The following MDFIC2 variants were observed in gnomAD, a reference collection of about 807,000 sequenced individuals.
MDFIC2 encodes myoD family inhibitor domain-containing protein 2.
At chr3:70,197,907 C>G (rs1286516650) in intron 3 of MDFIC2, among the ~76,000 whole-genome samples, 1 of 152,122 alleles carries the variant, frequency 6.6e-6, no homozygotes, top group Non-Finnish European at 1.5e-5. Context: ...ACTACACAGG[C>G]TTGTAAAAAT....
At chr3:70,198,811 G>T (rs1252454484) in intron 3 of MDFIC2, among the ~76,000 whole-genome samples, 1 of 152,104 alleles carries the variant, frequency 6.6e-6, no homozygotes, top group Non-Finnish European at 1.5e-5. Flanking sequence ...TCTTCACTTA[G>T]AGCCAGCTTT....
intron 2 of MDFIC2, among the ~76,000 whole-genome samples, chr3:70,218,006 C>T (rs570845878): frequency 1.4e-4 from 21 of 152,084 alleles, no homozygotes; most frequent in Admixed American, 2.6e-4. Context: ...ATCACAGGAG[C>T]GAGGGAACAG....
intron 2 of MDFIC2, among the ~76,000 whole-genome samples, chr3:70,208,246 C>T (rs763483174): frequency 7.2e-5 from 11 of 152,036 alleles, no homozygotes; most frequent in Non-Finnish European, 1.3e-4. Flanking sequence ...CCATTGTTAA[C>T]GCAATGCCTG....
At chr3:70,219,493 A>C (rs1200856284) in intron 2 of MDFIC2, among the ~76,000 whole-genome samples, 2 of 152,182 alleles carry the variant, frequency 1.3e-5, no homozygotes. Context: ...AAACAGAAGA[A>C]ATTTTTCAAA....
chr3:70,250,478 C>T (rs556807798), intron 2 of MDFIC2, among the ~76,000 whole-genome samples: 1 of 150,756 alleles, frequency 6.6e-6, no homozygotes, highest in South Asian at 2.1e-4. Flanking sequence ...TGATTTCCAA[C>T]GAGATGTAAA....
At chr3:70,307,831 G>A (rs1575622015) in intron 2 of MDFIC2, among the ~76,000 whole-genome samples, 1 of 152,142 alleles carries the variant, frequency 6.6e-6, no homozygotes, top group East Asian at 1.9e-4. Flanking sequence ...GCACTCAATC[G>A]GTTTTCTCAC....
chr3:70,252,255 T>C (rs1026207677), intron 2 of MDFIC2, among the ~76,000 whole-genome samples: 1 of 152,228 alleles, frequency 6.6e-6, no homozygotes. Context: ...TTATCCAATG[T>C]ATGACTTAGG....
At chr3:70,273,284 A>G (rs1396108764) in intron 2 of MDFIC2, among the ~76,000 whole-genome samples, 1 of 152,226 alleles carries the variant, frequency 6.6e-6, no homozygotes, top group Admixed American at 6.5e-5. Flanking sequence ...AGTCGACTCA[A>G]CAATTTCTCT....
intron 2 of MDFIC2, among the ~76,000 whole-genome samples, chr3:70,209,783 G>A (rs980076627): frequency 1.3e-5 from 2 of 152,074 alleles, no homozygotes. Context: ...ATACTGTGAT[G>A]TGTCACCTGC....
chr3:70,242,616 GT>G (rs1233141169), intron 2 of MDFIC2, among the ~76,000 whole-genome samples: 3 of 152,044 alleles, frequency 2.0e-5, no homozygotes, highest in Non-Finnish European at 4.4e-5. Context: ...CTGTTAAATG[GT>G]TTCCATTTTA....
At chr3:70,225,189 GA>G (rs139869352) in intron 2 of MDFIC2, among the ~76,000 whole-genome samples, 7,917 of 152,190 alleles carry the variant, frequency 0.052, 245 homozygotes, top group South Asian at 0.11. Context: ...GTCCACAAAA[GA>G]AATTTTATTT....
chr3:70,267,708 G>A (rs960725291), intron 2 of MDFIC2, among the ~76,000 whole-genome samples: 1 of 149,958 alleles, frequency 6.7e-6, no homozygotes, highest in African/African-American at 2.4e-5. Context: ...GAGCCACCCC[G>A]CCCAGCCTAA....
intron 2 of MDFIC2, among the ~76,000 whole-genome samples, chr3:70,243,499 G>A (rs1346889020): frequency 5.9e-5 from 9 of 152,040 alleles, no homozygotes; most frequent in South Asian, 2.1e-4. Flanking sequence ...TGTAGTTTTC[G>A]TTTTTTGGCT....
intron 2 of MDFIC2, among the ~76,000 whole-genome samples, chr3:70,283,303 T>C (rs1702107119): frequency 6.6e-6 from 1 of 152,028 alleles, no homozygotes. Flanking sequence ...GTGTTTTCAA[T>C]GCACTGTGCC....
chr3:70,268,891 G>A (rs989833661), intron 2 of MDFIC2, among the ~76,000 whole-genome samples: 7 of 151,940 alleles, frequency 4.6e-5, no homozygotes, highest in Non-Finnish European at 1.0e-4. Context: ...TTTTTCTGGA[G>A]CACATATTAT....
intron 2 of MDFIC2, among the ~76,000 whole-genome samples, chr3:70,263,249 TG>T (rs1421533428): frequency 2.0e-5 from 3 of 152,212 alleles, no homozygotes; most frequent in African/African-American, 7.2e-5. Context: ...TACTGTATGC[TG>T]GGTATTATAA....
chr3:70,308,317 A>G (rs765397897), intron 2 of MDFIC2, among the ~76,000 whole-genome samples: 7 of 152,118 alleles, frequency 4.6e-5, no homozygotes, highest in Non-Finnish European at 8.8e-5. Flanking sequence ...ATCTTCTCCA[A>G]AAGTGCTGAG....
chr3:70,232,783 C>A (rs1200095201), intron 2 of MDFIC2, among the ~76,000 whole-genome samples: 2 of 152,122 alleles, frequency 1.3e-5, no homozygotes, highest in Admixed American at 6.6e-5. Context: ...CAGGGACTGA[C>A]TTCTTACTGG....
intron 2 of MDFIC2, among the ~76,000 whole-genome samples, chr3:70,238,773 A>G (rs1399836254): frequency 8.6e-5 from 13 of 152,040 alleles, no homozygotes; most frequent in Non-Finnish European, 2.9e-5. Context: ...GACATCCTAG[A>G]TATGTGAGTC....
Sources: allele counts gnomAD v4.1 joint callset (sites outside exome capture counted in the v4.1 genomes callset), GRCh38; gene constraint gnomAD v4.1.1; transcripts MANE v1.5; gene names NCBI Gene and HGNC (gene_info 2026-07-23, HGNC 2026-07-21).